TSFM: variants seen among roughly 807,000 people sequenced by gnomAD.
TSFM encodes Ts translation elongation factor, mitochondrial.
A neutral mutation model predicts 33.4 loss-of-function variants in TSFM; 29 were observed. That is an observed-to-expected ratio of 0.87 (90% CI 0.65 to 1.18). The LOEUF (loss-of-function observed/expected upper bound fraction) is 1.18, where lower values mean the gene tolerates loss of function less well. Among genes scored for constraint, TSFM ranks in the 50% most tolerant of loss-of-function variants. TSFM has a pLI of 0.00. For synonymous variants in TSFM, 178 were observed against 163.5 expected (o/e 1.09, Z -0.68); for missense variants, 394 against 395.6 (o/e 1.00, Z 0.04).
rs758202928 is a variant in TSFM at position 57,783,166 on chromosome 12, C to G, written c.114C>G (p.Pro38=). Residue 38 remains proline, a synonymous_variant, in exon 2 of 6, where the codon CCC becomes CCG. Transcript: ENST00000652027. ...PQPRHTFYAG[P]RLSASASSKE... is the part of the protein sequence containing the mutation. Reference sequence around the variant, plus strand: ...CAAGGCACACATTTTATGCTGGGCCCCGTCTGTCTGCCTCGGCCTCCAGCA... The same window carrying G: ...CAAGGCACACATTTTATGCTGGGCCGCGTCTGTCTGCCTCGGCCTCCAGCA... 2.6e-5 allele frequency: 42 copies of G among 1,613,272 alleles called. No individual in the cohort carries two copies. Among genetic ancestry groups the G allele is most frequent in the Non-Finnish European group, 3.5e-5 (41 of 1,179,902 alleles).
downstream of TSFM, among the ~76,000 whole-genome samples, chr12:57,798,582 ACTT>A (rs1292122089): frequency 6.6e-6 from 1 of 151,878 alleles, no homozygotes; most frequent in African/African-American, 2.4e-5. Flanking sequence ...GCCTAAATCA[ACTT>A]CTTCAAGGGG....
downstream of TSFM, chr12:57,802,251 T>G: frequency 6.2e-7 from 1 of 1,614,188 alleles, no homozygotes; most frequent in Non-Finnish European, 8.5e-7. Flanking sequence ...TGTGTCGGGA[T>G]CTCGGCCGCT....
intron 4 of TSFM, among the ~76,000 whole-genome samples, chr12:57,791,009 T>C (rs971683645): frequency 2.2e-5 from 3 of 136,100 alleles, no homozygotes; most frequent in African/African-American, 8.3e-5. Flanking sequence ...CTGGGCCAGA[T>C]TTTTTTTTTT....
intron 2 of TSFM, 39 bp from the exon 3 acceptor site, chr12:57,786,124 G>A (rs1216468280): frequency 1.9e-6 from 3 of 1,561,890 alleles, no homozygotes; most frequent in East Asian, 2.3e-5. Context: ...GCTAAATTCT[G>A]TGACTTTGTT....
intron 2 of TSFM, among the ~76,000 whole-genome samples, chr12:57,785,556 C>T (rs776902192): frequency 1.1e-4 from 17 of 152,166 alleles, no homozygotes; most frequent in Non-Finnish European, 1.9e-4. Flanking sequence ...ACTGCAACCT[C>T]CGCCTCCCGG....
At chr12:57,794,074 C>T (rs2140425737) in intron 5 of TSFM, among the ~76,000 whole-genome samples, 1 of 152,238 alleles carries the variant, frequency 6.6e-6, no homozygotes, top group African/African-American at 2.4e-5. Flanking sequence ...CCAGTCAAGG[C>T]ATCAGTTCCG....
downstream of TSFM, chr12:57,801,334 T>G: frequency 1.3e-6 from 1 of 742,694 alleles, no homozygotes; most frequent in South Asian, 1.8e-5. Flanking sequence ...ATTTCAAGGA[T>G]AAGTAAAAAT....
rs754595630 is a variant in TSFM at position 57,787,150 on chromosome 12, T to G, written c.471T>G (p.Ser157=). ...GTCAGACCCTAAAGGATCAACCCTC[T>G]GCATACAGTAAAGTAAGTTTGGGAT... ...MHCQTLKDQP[S]AYSKGFLNSS... The change falls in exon 4 of 6, where the codon TCT becomes TCG. Residue 157 remains serine, a synonymous_variant. Transcript: ENST00000652027. The G allele has an allele frequency of 2.3e-5, 36 of 1,578,664 alleles. No homozygotes were observed. In the East Asian group the frequency reaches 8.0e-4, roughly 35 times the overall value.
At position 57,786,155 on chromosome 12, in the gene TSFM, A is replaced by G. The variant is rs768661125; in HGVS notation, c.232-8A>G. ...TTGTTGTCTGCTCTTTTTCCTCTCA[A>G]TTTACAGGCAGAGATCTGGCTCCAC... is the stretch of plus-strand genomic sequence containing the variant. On this transcript the variant is annotated splice_region_variant and splice_polypyrimidine_tract_variant and intron_variant, in intron 2 of 5. Transcript: ENST00000652027. 1.9e-6 allele frequency: 3 copies of G among 1,598,504 alleles called. No homozygotes were observed. The highest frequency in any genetic ancestry group is 1.7e-4 in the Middle Eastern group (1 of 6,028).
At position 57,782,965 on chromosome 12, in the gene TSFM, G is replaced by A. The variant is rs113076435; in HGVS notation, c.57+107G>A. On this transcript the variant is annotated intron_variant, in intron 1 of 5. Coordinates refer to ENST00000652027, the MANE Select transcript of TSFM (RefSeq NM_005726.6). ...CGTTTGACTCCATCTCACCTTCCCC[G>A]ACAGCATTGCCTCTGCCCAGTCCAG... The A allele has an allele frequency of 1.4e-3, 1,989 of 1,472,210 alleles. 5 individuals are homozygous for A. Among genetic ancestry groups the A allele is most frequent in the Non-Finnish European group, 1.7e-3 (1,907 of 1,096,568 alleles). 91.2% of individuals were successfully genotyped at this position (1,472,210 alleles called of 1,614,324 possible).
At chr12:57,790,595 AT>A (rs1442643901) in intron 4 of TSFM, among the ~76,000 whole-genome samples, 1 of 152,098 alleles carries the variant, frequency 6.6e-6, no homozygotes, top group Non-Finnish European at 1.5e-5. Flanking sequence ...GGAGTTCAAG[AT>A]TTATTTGTAG....
downstream of TSFM, chr12:57,798,051 AGAAGTTGAG>A: frequency 7.3e-7 from 1 of 1,372,576 alleles, no homozygotes; most frequent in Non-Finnish European, 1.0e-6. Flanking sequence ...CATTGCCAAC[AGAAGTTGAG>A]GAAGTTGGAG....
chr12:57,799,796 T>A (rs1270762689), downstream of TSFM: 7 of 1,613,852 alleles, frequency 4.3e-6, no homozygotes, highest in Admixed American at 6.7e-5. Context: ...GCCACTCACC[T>A]CCTTTTTGGC....
intron 5 of TSFM, among the ~76,000 whole-genome samples, chr12:57,793,316 C>T: frequency 6.6e-6 from 1 of 152,148 alleles, no homozygotes; most frequent in African/African-American, 2.4e-5. Flanking sequence ...CAAGCTCCGC[C>T]TCCCAGGTTC....
chr12:57,786,563 T>C (rs1955593682), intron 3 of TSFM, among the ~76,000 whole-genome samples: 1 of 152,260 alleles, frequency 6.6e-6, no homozygotes, highest in African/African-American at 2.4e-5. Flanking sequence ...ACTGATTGTT[T>C]CCTGGAACAG....
downstream of TSFM, chr12:57,799,730 T>C: frequency 2.5e-6 from 4 of 1,605,132 alleles, no homozygotes; most frequent in Non-Finnish European, 3.4e-6. Context: ...GGCCATTTGC[T>C]GAGCTGAGTT....
chr12:57,792,099 C>T (rs1382718390), intron 4 of TSFM: 2 of 193,182 alleles, frequency 1.0e-5, no homozygotes, highest in Non-Finnish European at 2.2e-5. Flanking sequence ...TAAAAATTTG[C>T]CAGGCATGGT....
In TSFM at chr12:57,796,353, G is replaced by A. The variant is rs1955738689; in HGVS notation, c.748G>A (p.Glu250Lys). 3 of 1,605,764 alleles carry A rather than the reference G, an allele frequency of 1.9e-6. No homozygotes were observed. Among genetic ancestry groups the A allele is most frequent in the Non-Finnish European group, 2.6e-6 (3 of 1,176,006 alleles). ...GACGTCTGAACAGAAAACAAACCTTGAAGACGTTGGCCGCCGCCTTGGGCA... is the reference window on the plus strand; with the variant it reads ...GACGTCTGAACAGAAAACAAACCTTAAAGACGTTGGCCGCCGCCTTGGGCA... ...CETSEQKTNL[E>K]DVGRRLGQHV... Residue 250 changes from glutamate to lysine, a missense_variant, in exon 6 of 6, where the codon GAA (glutamate) becomes AAA (lysine). By Grantham distance (56) the Glu-to-Lys change is moderately conservative. Transcript: ENST00000652027.
chr12:57,801,346 A>C (rs1413718146), downstream of TSFM: 1 of 678,344 alleles, frequency 1.5e-6, no homozygotes, highest in East Asian at 2.7e-5. Flanking sequence ...AGTAAAAATG[A>C]AAATCCCCCC....
Sources: gnomAD v4.1 joint callset for allele counts (sites outside exome capture counted in the v4.1 genomes callset) on GRCh38, gnomAD v4.1.1 for gene constraint, MANE v1.5 for transcripts, NCBI Gene and HGNC (gene_info 2026-07-23, HGNC 2026-07-21) for gene names.